The following ZNF749 variants were observed in gnomAD, a reference collection of about 807,000 sequenced individuals.
ZNF749 encodes the protein zinc finger protein 749.
ZNF749 carries 8 observed loss-of-function variants against 7.3 expected under a neutral mutation model. The ratio of observed to expected loss-of-function variants is 1.10; its 90% CI spans 0.64 to 1.98. The LOEUF (loss-of-function observed/expected upper bound fraction) is 1.98, where lower values mean the gene tolerates loss of function less well. ZNF749 is among the 30% of genes most tolerant of loss of function. The probability of loss-of-function intolerance (pLI) is 0.00; values close to 1 mark genes in which losing one functional copy is unlikely to be tolerated. For missense variants in ZNF749, 898 were observed against 932.4 expected (o/e 0.96, Z 0.48); for synonymous variants, 310 against 322.4 (o/e 0.96, Z 0.41).
upstream of ZNF749, among the ~76,000 whole-genome samples, chr19:57,431,030 C>T (rs2088896586): frequency 8.4e-6 from 1 of 119,498 alleles, no homozygotes; most frequent in African/African-American, 3.1e-5. Flanking sequence ...CAGAGCAGGA[C>T]TCTGTCTCAA....
In ZNF749 at chr19:57,435,559, G is replaced by T; in HGVS notation, c.-20G>T. ...TTCCCGCCCCGCTCTTCCCTGGGTG[G>T]ACTGGAGGAGGCCGCGCCGATGAAC... On this transcript the variant is annotated 5_prime_UTR_variant, in exon 1 of 3. Coordinates refer to ENST00000334181, the MANE Select transcript of ZNF749 (RefSeq NM_001023561.4). The T allele has an allele frequency of 1.2e-6, 2 of 1,603,036 alleles. No homozygotes were observed. Among genetic ancestry groups the T allele is most frequent in the Non-Finnish European group, 8.5e-7 (1 of 1,176,264 alleles).
chr19:57,445,452 ACAT>A lies in ZNF749; in HGVS notation c.2307_2309del (p.His769del). The A allele has an allele frequency of 1.9e-6, 3 of 1,612,130 alleles. No homozygotes were observed. The highest frequency in any genetic ancestry group is 2.5e-6 in the Non-Finnish European group (3 of 1,179,024). On this transcript the variant is annotated inframe_deletion, in exon 3 of 3. Transcript: ENST00000334181. ...TTAAATACAACTCCAGCCTCATTAA[ACAT>A]CAGATAATTCATACTGGAAAAAGGC...
Position 57,444,013 on chromosome 19 carries a change from C to T in ZNF749, c.865C>T (p.Gln289Ter), listed in dbSNP as rs753637754. ...AAAAAGGTCTGACCCCATTGAACAT[C>T]AGGAGATTCTCAGTAGACCAACACC... ...LSKRSDPIEH[Q>*]EILSRPTPYE... Residue 289 changes from glutamine (Q) to a stop codon, truncating the protein, a stop_gained, in exon 3 of 3, where the codon CAG becomes TAG. Coordinates refer to ENST00000334181, the MANE Select transcript of ZNF749 (RefSeq NM_001023561.4). LOFTEE classifies it low-confidence loss of function (END_TRUNC). The T allele has an allele frequency of 7.4e-6, 12 of 1,613,854 alleles. No homozygotes were observed. Among genetic ancestry groups the T allele is most frequent in the Non-Finnish European group, 1.0e-5 (12 of 1,179,870 alleles).
chr19:57,443,276 T>C lies in ZNF749; in HGVS notation c.143-15T>C. On this transcript the variant is annotated splice_polypyrimidine_tract_variant and intron_variant, in intron 2 of 2. Transcript: ENST00000334181. Reference sequence around the variant, plus strand: ...GGAGTTCACGTGCACTTCACCAGCATTTCTGTTCTTACAGGTTGTTGGCAT... The same window carrying C: ...GGAGTTCACGTGCACTTCACCAGCACTTCTGTTCTTACAGGTTGTTGGCAT... The C allele has an allele frequency of 6.3e-7, 1 of 1,581,464 alleles. No individual in the cohort carries two copies.
Position 57,445,381 on chromosome 19 carries a change from C to CA in ZNF749, c.2234dup (p.His745GlnfsTer8), listed in dbSNP as rs754208420. On this transcript the variant is annotated frameshift_variant, in exon 3 of 3. Transcript: ENST00000334181. LOFTEE classifies it low-confidence loss of function (END_TRUNC). ...TAATACTGGTCAGCGCCAAAAAACTCACACTGGAGAAAGGTCTTATGAGTG... is the reference window on the plus strand; with the variant it reads ...TAATACTGGTCAGCGCCAAAAAACTCAACACTGGAGAAAGGTCTTATGAGTG... 46 of 1,613,988 alleles carry CA rather than the reference C, an allele frequency of 2.9e-5. No individual in the cohort carries two copies. In the African/African-American group the frequency reaches 6.0e-4, roughly 21 times the overall value.
chr19:57,437,779 G>C (rs1339161250), intron 1 of ZNF749, among the ~76,000 whole-genome samples: 1 of 150,052 alleles, frequency 6.7e-6, no homozygotes, highest in African/African-American at 2.5e-5. Context: ...CTTCTACTTT[G>C]TGCTGAAAAC....
chr19:57,440,756 G>T (rs1262991558), intron 1 of ZNF749, among the ~76,000 whole-genome samples: 1 of 152,080 alleles, frequency 6.6e-6, no homozygotes, highest in Non-Finnish European at 1.5e-5. Context: ...CAATGGGCAC[G>T]TAAGGGAGAA....
At chr19:57,437,356 T>C (rs1406856948) in intron 1 of ZNF749, among the ~76,000 whole-genome samples, 1 of 152,156 alleles carries the variant, frequency 6.6e-6, no homozygotes, top group Non-Finnish European at 1.5e-5. Context: ...AAAATATTTA[T>C]TGTTAGAATG....
chr19:57,440,500 G>A (rs1398759356), intron 1 of ZNF749, among the ~76,000 whole-genome samples: 1 of 152,072 alleles, frequency 6.6e-6, no homozygotes, highest in Non-Finnish European at 1.5e-5. Flanking sequence ...TTCAGAACAG[G>A]GCTCGGTGCT....
rs905990376 is a variant in ZNF749, at chr19:57,442,705, T to C, written c.143-586T>C. On this transcript the variant is annotated intron_variant, in intron 2 of 2. Transcript: ENST00000334181. This position sits in a 1 kb window ranked among gnomAD's most constrained non-coding sequence, Gnocchi z 6.6. ...GAAAGGATGTGATATCAAGGCTGGGTTCAAATCACATTGAGAACTTACCTT... is the reference window on the plus strand; with the variant it reads ...GAAAGGATGTGATATCAAGGCTGGGCTCAAATCACATTGAGAACTTACCTT... Among the ~76,000 whole-genome samples the C allele has an allele frequency of 6.6e-6, 1 of 152,130 alleles. No individual in the cohort carries two copies. The highest frequency in any genetic ancestry group is 2.4e-5 in the African/African-American group (1 of 41,412).
the ZNF749 span, among the ~76,000 whole-genome samples, chr19:57,429,435 A>G: frequency 1.3e-5 from 2 of 152,144 alleles, no homozygotes; most frequent in Non-Finnish European, 2.9e-5. This position sits in a 1 kb window ranked among gnomAD's most constrained non-coding sequence, Gnocchi z 4.2. Flanking sequence ...ACCCAGAAGT[A>G]AAATTGCTGG....
At position 57,443,227 on chromosome 19, in the gene ZNF749, G is replaced by C; in HGVS notation, c.143-64G>C. 7.1e-6 allele frequency: 10 copies of C among 1,412,890 alleles called. No homozygotes were observed. The South Asian group carries it at 9.1e-5, about 13-fold the overall frequency. 87.5% of individuals were successfully genotyped at this position (1,412,890 alleles called of 1,614,324 possible). On this transcript the variant is annotated intron_variant, in intron 2 of 2. Transcript: ENST00000334181. ...TTGTGGGTGTGTCTCACAGACATTT[G>C]TGATGGGGCTGTCTCCTCCCTCCGG... is the stretch of plus-strand genomic sequence containing the variant.
chr19:57,444,405 T>C lies in ZNF749; in HGVS notation c.1257T>C (p.Phe419=). 1.2e-6 allele frequency: 2 copies of C among 1,614,060 alleles called. No individual in the cohort carries two copies. Among genetic ancestry groups the C allele is most frequent in the Non-Finnish European group, 1.7e-6 (2 of 1,179,932 alleles). The change falls in exon 3 of 3, where the codon TTT becomes TTC. Residue 419 remains phenylalanine (F), a synonymous_variant. Coordinates refer to ENST00000334181, the MANE Select transcript of ZNF749 (RefSeq NM_001023561.4). ...LYKCSECGKA[F]SLKHNVVQHL... Reference sequence around the variant, plus strand: ...AGTGTAGCGAATGTGGGAAAGCCTTTAGCCTCAAACATAATGTTGTTCAGC... The same window carrying C: ...AGTGTAGCGAATGTGGGAAAGCCTTCAGCCTCAAACATAATGTTGTTCAGC...
upstream of ZNF749, among the ~76,000 whole-genome samples, chr19:57,430,845 T>G (rs1304609409): frequency 6.6e-6 from 1 of 151,816 alleles, no homozygotes; most frequent in African/African-American, 2.4e-5. Flanking sequence ...ATTGAGACCA[T>G]CCTGGCCAAC....
chr19:57,430,335 T>TG (rs1235357780), upstream of ZNF749, among the ~76,000 whole-genome samples: 1 of 152,210 alleles, frequency 6.6e-6, no homozygotes, highest in Non-Finnish European at 1.5e-5. Flanking sequence ...AACCCATTCT[T>TG]GCGATGATAG....
intron 1 of ZNF749, 141 bp downstream of exon 1, chr19:57,435,734 G>T: frequency 6.9e-7 from 1 of 1,440,490 alleles, no homozygotes; most frequent in Non-Finnish European, 9.2e-7. Context: ...GGACTGCGGT[G>T]CGATGAGGCG....
At chr19:57,428,687 A>G in the ZNF749 span, 1 of 152,174 alleles carries the variant, frequency 6.6e-6, no homozygotes, top group Non-Finnish European at 1.5e-5. Flanking sequence ...ATGATCAGGT[A>G]CATTTATGTT....
rs2089069890 is a variant in ZNF749, at chr19:57,446,748, C to T, written c.*1263C>T. 6.6e-6 allele frequency among the ~76,000 whole-genome samples: 1 copy of T among 152,102 alleles called. No individual in the cohort carries two copies. Among genetic ancestry groups the T allele is most frequent in the Non-Finnish European group, 1.5e-5 (1 of 68,022 alleles). ...AACCTGAAGGGCACAGCCTATTACG[C>T]ACCTAGGCTATATGATATGGTCCAT... On this transcript the variant is annotated 3_prime_UTR_variant, in exon 3 of 3. Transcript: ENST00000334181.
At chr19:57,441,674 A>G (rs2088991089) in intron 1 of ZNF749, among the ~76,000 whole-genome samples, 1 of 152,150 alleles carries the variant, frequency 6.6e-6, no homozygotes, top group African/African-American at 2.4e-5. Context: ...TTGTGTGGTG[A>G]CAGGGCTTGT....
Sources: gnomAD v4.1 joint callset for allele counts (sites outside exome capture counted in the v4.1 genomes callset) on GRCh38, gnomAD v4.1.1 for gene constraint, Gnocchi (gnomAD v3.1) non-coding constraint, MANE v1.5 for transcripts, NCBI Gene and HGNC (gene_info 2026-07-23, HGNC 2026-07-21) for gene names.